The following GNAI1 variants were observed in gnomAD, a reference collection of about 807,000 sequenced individuals.
GNAI1 encodes G protein subunit alpha i1.
In GNAI1, 11 loss-of-function variants were observed where a neutral mutation model predicts 38.9. That is an observed-to-expected ratio of 0.28 (90% CI 0.18 to 0.47). GNAI1 has a LOEUF of 0.47. Ranked by LOEUF, GNAI1 falls within the 20% of genes least tolerant of loss-of-function variation. The pLI, the probability that GNAI1 is intolerant of heterozygous loss-of-function variation, is 0.99. For missense variants in GNAI1, 317 were observed against 436.9 expected (o/e 0.73, Z 2.45); for synonymous variants, 166 against 145.1 (o/e 1.14, Z -1.04).
At chr7:80,173,566 C>CT (rs1788132979) in intron 1 of GNAI1, among the ~76,000 whole-genome samples, 1 of 152,094 alleles carries the variant, frequency 6.6e-6, no homozygotes, top group South Asian at 2.1e-4. Flanking sequence ...TGCTCCCCTT[C>CT]TGCTATGCTC....
chr7:80,189,138 A>AG lies in GNAI1; in HGVS notation c.211dup (p.Ala71GlyfsTer6). On this transcript the variant is annotated frameshift_variant, in exon 3 of 8. Transcript: ENST00000649796. LOFTEE classifies it high-confidence loss of function. ...CAGAAGAGGAGTGTAAACAATACAA[A>AG]GCAGTGGTCTACAGTAACACCATCC... 1 of 1,606,938 alleles carries AG rather than the reference A, an allele frequency of 6.2e-7. No individual in the cohort carries two copies. Among genetic ancestry groups the AG allele is most frequent in the Non-Finnish European group, 8.5e-7 (1 of 1,176,766 alleles).
chr7:80,197,218 C>CT lies in GNAI1; in HGVS notation c.304-2005dup, dbSNP rs1476458144. ...TTTTGGAGACCTGGAGGACATTATG[C>CT]TTAGTGAAATAAGCCAGACACAGAA... On this transcript the variant is annotated intron_variant, in intron 3 of 7. Transcript: ENST00000649796. Among the ~76,000 whole-genome samples, 15 of 140,658 alleles carry CT rather than the reference C, an allele frequency of 1.1e-4. 1 individual carries two copies. The East Asian group carries it at 3.1e-3, about 29-fold the overall frequency. The allele number at this position is 140,658 out of a possible 152,430, so 92.3% of individuals were successfully genotyped here.
rs917108451 is a variant in GNAI1, at chr7:80,223,225, A to C, written c.*5732A>C. Among the ~76,000 whole-genome samples the C allele has an allele frequency of 9.2e-5, 14 of 152,234 alleles. No homozygotes were observed. Among genetic ancestry groups the C allele is most frequent in the African/African-American group, 3.4e-4 (14 of 41,456 alleles). ...CCACAGAAATTCCTTTTCCAACTGC[A>C]GTGTCTATGGAGGGATTCTTATAAT... On this transcript the variant is annotated 3_prime_UTR_variant, in exon 8 of 8. Coordinates refer to ENST00000649796, the MANE Select transcript of GNAI1 (RefSeq NM_002069.6).
At chr7:80,189,703 G>A (rs978698272) in intron 3 of GNAI1, among the ~76,000 whole-genome samples, 1 of 152,090 alleles carries the variant, frequency 6.6e-6, no homozygotes, top group African/African-American at 2.4e-5. Flanking sequence ...GGAAAATATC[G>A]GCTATTAAAA....
At chr7:80,137,366 G>A (rs1224177075) in intron 1 of GNAI1, among the ~76,000 whole-genome samples, 1 of 120,716 alleles carries the variant, frequency 8.3e-6, no homozygotes, top group Non-Finnish European at 1.6e-5. Flanking sequence ...AGTCGCCCAG[G>A]CTGGAGTGCA....
intron 1 of GNAI1, among the ~76,000 whole-genome samples, chr7:80,160,070 C>T (rs1787894579): frequency 6.6e-6 from 1 of 152,166 alleles, no homozygotes; most frequent in Non-Finnish European, 1.5e-5. Flanking sequence ...TGCTCAGAGG[C>T]AACTCTGTTG....
intron 4 of GNAI1, among the ~76,000 whole-genome samples, chr7:80,200,664 T>C (rs1788670987): frequency 6.6e-6 from 1 of 152,194 alleles, no homozygotes; most frequent in South Asian, 2.1e-4. Flanking sequence ...GACTAGGTAC[T>C]ATATGTTGTG....
intron 3 of GNAI1, among the ~76,000 whole-genome samples, chr7:80,198,396 G>A (rs1788619856): frequency 1.3e-5 from 2 of 152,058 alleles, no homozygotes; most frequent in South Asian, 4.1e-4. Flanking sequence ...TATTAGTGTT[G>A]CACATTATAT....
In GNAI1 at chr7:80,219,873, C is replaced by T. The variant is rs996274825; in HGVS notation, c.*2380C>T. Among the ~76,000 whole-genome samples the T allele has an allele frequency of 4.6e-5, 7 of 152,152 alleles. No individual in the cohort carries two copies. The highest frequency in any genetic ancestry group is 1.4e-4 in the African/African-American group (6 of 41,434). On this transcript the variant is annotated 3_prime_UTR_variant, in exon 8 of 8. Coordinates refer to ENST00000649796, the MANE Select transcript of GNAI1 (RefSeq NM_002069.6). Reference sequence around the variant, plus strand: ...AGGTGGAACTCTTCTGATTCCTAATCTCCATTTCAATTTACTGACAGTTCT... The same window carrying T: ...AGGTGGAACTCTTCTGATTCCTAATTTCCATTTCAATTTACTGACAGTTCT...
chr7:80,187,067 G>A (rs1788397083), intron 1 of GNAI1: 1 of 152,082 alleles, frequency 6.6e-6, no homozygotes, highest in Non-Finnish European at 1.5e-5. Context: ...TCAGTGTGAG[G>A]GTATTTTGGG....
chr7:80,167,969 A>T (rs1788039621), intron 1 of GNAI1, among the ~76,000 whole-genome samples: 1 of 152,226 alleles, frequency 6.6e-6, no homozygotes, highest in Non-Finnish European at 1.5e-5. Context: ...ATTGTGCAGG[A>T]CATGGAAAGT....
rs1274752551 is a variant in GNAI1, at chr7:80,219,918, TTTTG to T, written c.*2433_*2436del. Among the ~76,000 whole-genome samples the T allele has an allele frequency of 1.8e-4, 27 of 152,180 alleles. No homozygotes were observed. Among genetic ancestry groups the T allele is most frequent in the African/African-American group, 6.3e-4 (26 of 41,442 alleles). The stretch of plus-strand genomic sequence containing the variant: ...AGTTCTACAAAGCCTTAAATCTGTT[TTTTG>T]TTTGTTTTCCTTTCTATTCCTACTA... On this transcript the variant is annotated 3_prime_UTR_variant, in exon 8 of 8. Transcript: ENST00000649796.
intron 4 of GNAI1, among the ~76,000 whole-genome samples, chr7:80,199,968 T>G (rs1209390031): frequency 4.6e-5 from 7 of 152,102 alleles, no homozygotes; most frequent in Non-Finnish European, 1.0e-4. Flanking sequence ...AAAATCTGCC[T>G]TGAATTTTCA....
chr7:80,171,126 C>T (rs2115564044), intron 1 of GNAI1, among the ~76,000 whole-genome samples: 1 of 152,252 alleles, frequency 6.6e-6, no homozygotes, highest in East Asian at 1.9e-4. Flanking sequence ...TCTCTTACAG[C>T]TCATCAGATT....
Position 80,220,610 on chromosome 7 carries a change from A to C in GNAI1, c.*3117A>C, listed in dbSNP as rs6954752. On this transcript the variant is annotated 3_prime_UTR_variant, in exon 8 of 8. Transcript: ENST00000649796. The stretch of plus-strand genomic sequence containing the variant: ...TTCTAAAATTCTCTTCATTTCAGTA[A>C]CCTTCTAAAAGTCTACTTTTTTATG... Among the ~76,000 whole-genome samples, 57,739 of 152,032 alleles carry C rather than the reference A, an allele frequency of 0.38. 11,686 individuals are homozygous for C. Among genetic ancestry groups the C allele is most frequent in the African/African-American group, 0.51 (21,259 of 41,440 alleles).
chr7:80,206,316 A>G lies in GNAI1; in HGVS notation c.590+2484A>G, dbSNP rs559728367. Among the ~76,000 whole-genome samples the G allele has an allele frequency of 7.2e-5, 11 of 152,082 alleles. No homozygotes were observed. The South Asian group carries it at 1.9e-3, about 26-fold the overall frequency. ...TTAGCTTTGTGCTTTAATACATGCTATGGTGTTGCATATGCTTTTTTTTAT... is the reference window on the plus strand; with the variant it reads ...TTAGCTTTGTGCTTTAATACATGCTGTGGTGTTGCATATGCTTTTTTTTAT... On this transcript the variant is annotated intron_variant, in intron 5 of 7. Coordinates refer to ENST00000649796, the MANE Select transcript of GNAI1 (RefSeq NM_002069.6).
At chr7:80,186,616 A>T (rs989511241) in intron 1 of GNAI1, among the ~76,000 whole-genome samples, 3 of 152,132 alleles carry the variant, frequency 2.0e-5, no homozygotes, top group Non-Finnish European at 4.4e-5. Context: ...AGCTTACATC[A>T]CTTGAACCTT....
At position 80,189,413 on chromosome 7, in the gene GNAI1, T is replaced by C. The variant is rs80112865; in HGVS notation, c.303+182T>C. Among the ~76,000 whole-genome samples the C allele has an allele frequency of 4.0e-3, 604 of 152,258 alleles. 6 individuals carry two copies. The highest frequency in any genetic ancestry group is 0.014 in the African/African-American group (562 of 41,544). On this transcript the variant is annotated intron_variant, in intron 3 of 7. Transcript: ENST00000649796. ...GAGTGAAATATTAGAATATGTAGGA[T>C]TGTATAATCTCTCCTTTATGCTTTC...
intron 1 of GNAI1, among the ~76,000 whole-genome samples, chr7:80,154,041 G>T (rs983750213): frequency 2.6e-5 from 4 of 151,966 alleles, no homozygotes; most frequent in African/African-American, 9.7e-5. Flanking sequence ...TCTCACCTTA[G>T]CCCCCCAAGT....
Sources: allele counts gnomAD v4.1 joint callset (sites outside exome capture counted in the v4.1 genomes callset), GRCh38; gene constraint gnomAD v4.1.1; transcripts MANE v1.5; gene names NCBI Gene and HGNC (gene_info 2026-07-23, HGNC 2026-07-21).